The following ADAMTS12 variants were observed in gnomAD, a reference collection of about 807,000 sequenced individuals.
The protein encoded by ADAMTS12 is ADAM metallopeptidase with thrombospondin type 1 motif 12, also known as A disintegrin and metalloproteinase with thrombospondin motifs 12.
Under a neutral mutation model 167.8 loss-of-function variants are expected in ADAMTS12, and 118 were observed. The ratio of observed to expected loss-of-function variants is 0.70; its 90% CI spans 0.61 to 0.82. The LOEUF is 0.82. Among genes scored for constraint, ADAMTS12 ranks in the 40% least tolerant of loss-of-function variants. The probability of loss-of-function intolerance (pLI) is 0.00; values close to 1 mark genes in which losing one functional copy is unlikely to be tolerated. For missense variants in ADAMTS12, 1,916 were observed against 1,998.8 expected, an observed-to-expected ratio of 0.96 and a Z score of 0.79; for synonymous variants, 704 against 716.9, an observed-to-expected ratio of 0.98 and a Z score of 0.29.
At chr5:33,534,247 G>C (rs1744259030) in intron 23 of ADAMTS12, among the ~76,000 whole-genome samples, 1 of 152,142 alleles carries the variant, frequency 6.6e-6, no homozygotes, top group African/African-American at 2.4e-5. Context: ...CTTGTGCTCT[G>C]GAGCTGCCTG....
chr5:33,741,462 A>G (rs1485892790), intron 3 of ADAMTS12, among the ~76,000 whole-genome samples: 1 of 152,156 alleles, frequency 6.6e-6, no homozygotes, highest in African/African-American at 2.4e-5. Flanking sequence ...TAATTTAATT[A>G]GGTCTTTAAG....
intron 2 of ADAMTS12, among the ~76,000 whole-genome samples, chr5:33,878,117 T>C (rs1042729245): frequency 6.6e-6 from 1 of 152,164 alleles, no homozygotes; most frequent in Non-Finnish European, 1.5e-5. Flanking sequence ...TGTCAGACCC[T>C]AGACACGTGA....
chr5:33,650,418 C>A (rs4340923), intron 7 of ADAMTS12, among the ~76,000 whole-genome samples: 126,481 of 152,234 alleles, frequency 0.83, 53,981 homozygotes, highest in Non-Finnish European at 0.93. Context: ...AGGGCTTCAC[C>A]AAGGATAGAA....
At chr5:33,876,536 A>G (rs1029772859) in intron 2 of ADAMTS12, among the ~76,000 whole-genome samples, 4 of 152,136 alleles carry the variant, frequency 2.6e-5, no homozygotes, top group African/African-American at 9.7e-5. Context: ...CTTTCAACAA[A>G]TGGTGCTGGA....
intron 2 of ADAMTS12, among the ~76,000 whole-genome samples, chr5:33,752,011 GA>G (rs1426343549): frequency 6.6e-6 from 1 of 152,216 alleles, no homozygotes; most frequent in African/African-American, 2.4e-5. Flanking sequence ...TGTGTGGCTG[GA>G]AGTGTTTAAT....
intron 18 of ADAMTS12, among the ~76,000 whole-genome samples, chr5:33,583,699 G>A (rs1314696724): frequency 3.3e-5 from 5 of 152,124 alleles, no homozygotes; most frequent in Non-Finnish European, 7.4e-5. Flanking sequence ...TGGAATAAAA[G>A]TTGTATCTCA....
chr5:33,681,513 A>G (rs1293507892), intron 5 of ADAMTS12, among the ~76,000 whole-genome samples: 1 of 152,220 alleles, frequency 6.6e-6, no homozygotes, highest in African/African-American at 2.4e-5. Flanking sequence ...TTGGGGATCT[A>G]ACAGAATAAA....
intron 2 of ADAMTS12, among the ~76,000 whole-genome samples, chr5:33,764,028 C>T (rs1269862321): frequency 6.6e-6 from 1 of 152,032 alleles, no homozygotes; most frequent in Non-Finnish European, 1.5e-5. Flanking sequence ...GTGCCACACA[C>T]AGCATTCATT....
At chr5:33,831,191 A>G (rs1161984278) in intron 2 of ADAMTS12, among the ~76,000 whole-genome samples, 2 of 152,258 alleles carry the variant, frequency 1.3e-5, no homozygotes, top group Non-Finnish European at 2.9e-5. Flanking sequence ...TCTTTTAAGC[A>G]TGCTACAGAT....
At chr5:33,566,946 G>C (rs558433376) in intron 19 of ADAMTS12, among the ~76,000 whole-genome samples, 3 of 152,292 alleles carry the variant, frequency 2.0e-5, no homozygotes, top group East Asian at 3.9e-4. Flanking sequence ...ATGATGGGAA[G>C]ATGGTAGAGC....
intron 2 of ADAMTS12, among the ~76,000 whole-genome samples, chr5:33,873,306 T>TA (rs1338149839): frequency 6.6e-6 from 1 of 152,100 alleles, no homozygotes; most frequent in African/African-American, 2.4e-5. Flanking sequence ...AAAAACTTAA[T>TA]ACCATTTACA....
intron 14 of ADAMTS12, among the ~76,000 whole-genome samples, chr5:33,623,940 A>T (rs1035180519): frequency 6.6e-6 from 1 of 151,972 alleles, no homozygotes; most frequent in African/African-American, 2.4e-5. Context: ...CCCAAAGGGG[A>T]TCCTCTCCCA....
chr5:33,716,330 A>C (rs1437630215), intron 3 of ADAMTS12, among the ~76,000 whole-genome samples: 1 of 152,102 alleles, frequency 6.6e-6, no homozygotes, highest in Non-Finnish European at 1.5e-5. Context: ...GTTAGAAATA[A>C]ATTTCTGTTA....
chr5:33,546,004 GTAT>G, intron 22 of ADAMTS12, 52 bp downstream of exon 22: 2 of 1,478,190 alleles, frequency 1.4e-6, no homozygotes. Flanking sequence ...AGAACTTAAA[GTAT>G]TAAAAAAAAA....
At position 33,576,636 on chromosome 5, in the gene ADAMTS12, T is replaced by C. The variant is rs1441513478; in HGVS notation, c.3390A>G (p.Ser1130=). ...VATTTSGSGL[S]SSRNPITWPV... ...GCCAAGTGATAGGGTTGCGGGAAGA[T>C]GACAAGCCAGAACCACTTGTTGTTG... Residue 1130 remains serine (S), a synonymous_variant, in exon 19 of 24, where the codon TCA becomes TCG. Coordinates refer to ENST00000504830, the MANE Select transcript of ADAMTS12 (RefSeq NM_030955.4). 1.2e-6 allele frequency: 2 copies of C among 1,614,074 alleles called. No homozygotes were observed. The highest frequency in any genetic ancestry group is 8.5e-7 in the Non-Finnish European group (1 of 1,180,038).
chr5:33,711,413 T>C (rs1743399489), intron 3 of ADAMTS12, among the ~76,000 whole-genome samples: 1 of 152,138 alleles, frequency 6.6e-6, no homozygotes, highest in East Asian at 1.9e-4. Flanking sequence ...ACATAAGAAA[T>C]ATTTTGGAAC....
chr5:33,605,837 T>A (rs574970022), intron 16 of ADAMTS12, among the ~76,000 whole-genome samples: 1 of 152,330 alleles, frequency 6.6e-6, no homozygotes, highest in Non-Finnish European at 1.5e-5. Flanking sequence ...ATACAAAATT[T>A]CTCACATTTA....
At chr5:33,547,020 C>T (rs895069053) in intron 21 of ADAMTS12, among the ~76,000 whole-genome samples, 2 of 152,154 alleles carry the variant, frequency 1.3e-5, no homozygotes, top group South Asian at 2.1e-4. Flanking sequence ...TTAACCTTTT[C>T]TGCTCAATAA....
At chr5:33,660,850 C>T (rs995979393) in intron 6 of ADAMTS12, among the ~76,000 whole-genome samples, 2 of 152,160 alleles carry the variant, frequency 1.3e-5, no homozygotes, top group Non-Finnish European at 2.9e-5. Flanking sequence ...ATTTAACCAG[C>T]GTTTGAATAC....
Sources: allele counts gnomAD v4.1 joint callset (sites outside exome capture counted in the v4.1 genomes callset), GRCh38; gene constraint gnomAD v4.1.1; transcripts MANE v1.5; gene names NCBI Gene and HGNC (gene_info 2026-07-23, HGNC 2026-07-21).